DLC1: variants seen among roughly 807,000 people sequenced by gnomAD.
DLC1 encodes rho GTPase-activating protein 7.
Under a neutral mutation model 140.3 loss-of-function variants are expected in DLC1, and 54 were observed. The observed-to-expected ratio is 0.38, with a 90% confidence interval of 0.31 to 0.48. DLC1 has a LOEUF of 0.48. Ranked by LOEUF, DLC1 falls within the 20% of genes least tolerant of loss-of-function variation. The probability of loss-of-function intolerance (pLI) is 0.96; values close to 1 mark genes in which losing one functional copy is unlikely to be tolerated. For missense variants in DLC1, 2,536 were observed against 1,907.0 expected (o/e 1.33, Z -6.14); for synonymous variants, 986 against 728.1 (o/e 1.35, Z -5.70).
chr8:13,102,830 C>T lies in DLC1; in HGVS notation c.1526G>A (p.Cys509Tyr). 6.2e-7 allele frequency: 1 copy of T among 1,614,048 alleles called. No individual in the cohort carries two copies. The highest frequency in any genetic ancestry group is 8.5e-7 in the Non-Finnish European group (1 of 1,179,986). ...LCRRLNTLNKCAVMKLEISPH... is the reference protein window; with the variant it reads ...LCRRLNTLNKYAVMKLEISPH... Reference sequence around the variant, plus strand: ...ACTAATTTCTAGCTTCATCACCGCACATTTGTTTAAAGTATTTAGACGCCT... The same window carrying T: ...ACTAATTTCTAGCTTCATCACCGCATATTTGTTTAAAGTATTTAGACGCCT... The change falls in exon 8 of 18, where the codon TGT (cysteine) becomes TAT (tyrosine). Residue 509 changes from cysteine (C) to tyrosine (Y), a missense_variant. By Grantham distance (194) the Cys-to-Tyr change is radical. Coordinates refer to ENST00000276297, the MANE Select transcript of DLC1 (RefSeq NM_182643.3).
At chr8:13,259,166 AT>A (rs1830382256) in intron 5 of DLC1, among the ~76,000 whole-genome samples, 1 of 151,442 alleles carries the variant, frequency 6.6e-6, no homozygotes, top group African/African-American at 2.4e-5. Flanking sequence ...AAAAGAGAAA[AT>A]CAAAAGATTA....
chr8:13,369,856 G>T (rs1835652163), intron 4 of DLC1, among the ~76,000 whole-genome samples: 1 of 149,544 alleles, frequency 6.7e-6, no homozygotes, highest in Admixed American at 6.7e-5. Flanking sequence ...TCTCCTCAGA[G>T]CCCTCCCCTG....
intron 1 of DLC1, among the ~76,000 whole-genome samples, chr8:13,577,431 G>T (rs1199374191): frequency 6.6e-6 from 1 of 152,100 alleles, no homozygotes; most frequent in Admixed American, 6.6e-5. Context: ...TTTTGCAGTG[G>T]TTATGGTGAG....
intron 1 of DLC1, chr8:13,584,268 A>G (rs1408602995): frequency 6.5e-6 from 1 of 153,930 alleles, no homozygotes; most frequent in Non-Finnish European, 1.5e-5. Context: ...CACTGTAAAG[A>G]TCTGCCTGAG....
At chr8:13,469,725 A>G (rs1800118407) in intron 2 of DLC1, among the ~76,000 whole-genome samples, 1 of 152,210 alleles carries the variant, frequency 6.6e-6, no homozygotes, top group African/African-American at 2.4e-5. Flanking sequence ...AGATATATAG[A>G]CTACATAACT....
chr8:13,236,381 G>C (rs1440520946), intron 5 of DLC1, among the ~76,000 whole-genome samples: 2 of 152,054 alleles, frequency 1.3e-5, no homozygotes, highest in Non-Finnish European at 2.9e-5. Flanking sequence ...AGTAATGGGA[G>C]ATGTGATTAT....
chr8:13,246,109 G>A (rs1238801411), intron 5 of DLC1, among the ~76,000 whole-genome samples: 1 of 152,116 alleles, frequency 6.6e-6, no homozygotes. Flanking sequence ...ATTACAGAAG[G>A]CAATGGGGCT....
intron 4 of DLC1, among the ~76,000 whole-genome samples, chr8:13,392,498 G>A (rs988681466): frequency 6.6e-6 from 1 of 152,114 alleles, no homozygotes; most frequent in Non-Finnish European, 1.5e-5. Context: ...TAAAATCAGA[G>A]TATTATCTTT....
chr8:13,419,849 C>T (rs1275938534), intron 2 of DLC1, among the ~76,000 whole-genome samples: 1 of 152,014 alleles, frequency 6.6e-6, no homozygotes, highest in African/African-American at 2.4e-5. Context: ...GTCCTGGACT[C>T]CTTTTGGTTG....
chr8:13,558,559 A>G (rs1804135362), intron 1 of DLC1: 1 of 152,218 alleles, frequency 6.6e-6, no homozygotes, highest in African/African-American at 2.4e-5. Flanking sequence ...TGTTATGACA[A>G]TCACTATGTA....
intron 1 of DLC1, among the ~76,000 whole-genome samples, chr8:13,564,695 T>G (rs944371362): frequency 4.6e-5 from 7 of 152,196 alleles, no homozygotes; most frequent in African/African-American, 1.7e-4. Context: ...CATGAATTTG[T>G]TTTGACTTCC....
At chr8:13,462,448 G>C (rs1191918680) in intron 2 of DLC1, among the ~76,000 whole-genome samples, 1 of 148,602 alleles carries the variant, frequency 6.7e-6, no homozygotes, top group Non-Finnish European at 1.5e-5. Context: ...CGACAGCCCA[G>C]GCTGGAGTGC....
At chr8:13,422,748 T>C (rs1343743506) in intron 2 of DLC1, among the ~76,000 whole-genome samples, 1 of 152,016 alleles carries the variant, frequency 6.6e-6, no homozygotes, top group Admixed American at 6.6e-5. Flanking sequence ...ATAAATCCTC[T>C]CTTAAGGAGT....
chr8:13,372,856 T>A (rs1435807769), intron 4 of DLC1, among the ~76,000 whole-genome samples: 2 of 152,202 alleles, frequency 1.3e-5, no homozygotes. Flanking sequence ...TTATAATTTA[T>A]AATAAATGTT....
chr8:13,209,318 A>G (rs1241046065), intron 5 of DLC1, among the ~76,000 whole-genome samples: 2 of 152,192 alleles, frequency 1.3e-5, no homozygotes, highest in East Asian at 1.9e-4. Context: ...CCAGTATTGC[A>G]TATAATTTTC....
intron 2 of DLC1, among the ~76,000 whole-genome samples, chr8:13,464,842 T>C (rs1799858840): frequency 6.7e-6 from 1 of 149,338 alleles, no homozygotes; most frequent in Non-Finnish European, 1.5e-5. Flanking sequence ...TATATAAATG[T>C]ATAATACTTG....
chr8:13,405,065 G>A (rs1837464808), intron 2 of DLC1, among the ~76,000 whole-genome samples: 1 of 151,322 alleles, frequency 6.6e-6, no homozygotes, highest in Admixed American at 6.6e-5. Context: ...TTTTAGTAGT[G>A]GTTCCTTTTG....
At chr8:13,412,708 C>T (rs1426938862) in intron 2 of DLC1, among the ~76,000 whole-genome samples, 3 of 151,762 alleles carry the variant, frequency 2.0e-5, no homozygotes, top group Non-Finnish European at 2.9e-5. Flanking sequence ...CCGAGGTGGG[C>T]GAATCACGAG....
rs183520761 is a variant in DLC1, at chr8:13,203,548, C to T, written c.1349-87891G>A. ...GAAAACCTGGAGATTGTGCGCAATCCTGTCTGAACTATGCATCTGGTGACA... is the reference window on the plus strand; with the variant it reads ...GAAAACCTGGAGATTGTGCGCAATCTTGTCTGAACTATGCATCTGGTGACA... On this transcript the variant is annotated intron_variant, in intron 5 of 17. Transcript: ENST00000276297. Among the ~76,000 whole-genome samples, 413 of 152,254 alleles carry T rather than the reference C, an allele frequency of 2.7e-3. 1 individual carries two copies. The highest frequency in any genetic ancestry group is 6.8e-3 in the South Asian group (33 of 4,822).
Sources: gnomAD v4.1 joint callset for allele counts (sites outside exome capture counted in the v4.1 genomes callset) on GRCh38, gnomAD v4.1.1 for gene constraint, MANE v1.5 for transcripts, NCBI Gene and HGNC (gene_info 2026-07-23, HGNC 2026-07-21) for gene names.